The following PREX2 variants were observed in gnomAD, a reference collection of about 807,000 sequenced individuals.
PREX2 encodes phosphatidylinositol 3,4,5-trisphosphate-dependent Rac exchanger 2 protein.
PREX2 carries 107 observed loss-of-function variants against 203.2 expected under a neutral mutation model. The ratio of observed to expected loss-of-function variants is 0.53; its 90% CI spans 0.45 to 0.62. PREX2 has a LOEUF of 0.62. Among genes scored for constraint, PREX2 ranks in the 20% least tolerant of loss-of-function variants. The probability of loss-of-function intolerance (pLI) is 0.00; values close to 1 mark genes in which losing one functional copy is unlikely to be tolerated. For missense variants in PREX2, 1,777 were observed against 1,955.9 expected (o/e 0.91, Z 1.72); for synonymous variants, 672 against 663.6 (o/e 1.01, Z -0.19).
intron 8 of PREX2, among the ~76,000 whole-genome samples, chr8:68,047,508 C>CATATATATATATATAT (rs1808400901): frequency 3.6e-5 from 2 of 55,574 alleles, no homozygotes; most frequent in African/African-American, 1.8e-4. Flanking sequence ...TATATATATA[C>CATATATATATATATAT]ACATACATAT....
chr8:68,062,126 C>A (rs541371280), intron 11 of PREX2, among the ~76,000 whole-genome samples: 1 of 152,116 alleles, frequency 6.6e-6, no homozygotes, highest in East Asian at 1.9e-4. Flanking sequence ...ATCTTTAATT[C>A]CTTTCTCTCC....
chr8:68,226,031 CT>C lies in PREX2; in HGVS notation c.4775+1414del, dbSNP rs369263713. On this transcript the variant is annotated intron_variant, in intron 39 of 39. Transcript: ENST00000288368. ...ACAAGAAAAGAAACCAATGAATTTG[CT>C]TTTTTTTTCTTTATTGGGTGATGTT... is the stretch of plus-strand genomic sequence containing the variant. Among the ~76,000 whole-genome samples, 346 of 151,318 alleles carry C rather than the reference CT, an allele frequency of 2.3e-3. 4 individuals carry two copies. In the East Asian group the frequency reaches 0.051, roughly 22 times the overall value.
intron 21 of PREX2, among the ~76,000 whole-genome samples, chr8:68,095,967 T>G (rs1196098286): frequency 6.6e-6 from 1 of 152,132 alleles, no homozygotes; most frequent in East Asian, 1.9e-4. Context: ...ATATTCCCTA[T>G]ACACACTGAT....
In PREX2 at chr8:68,078,779, AT is replaced by A. The variant is rs369692369; in HGVS notation, c.1642+1318del. 3.7e-3 allele frequency among the ~76,000 whole-genome samples: 535 copies of A among 145,624 alleles called. 6 individuals carry two copies. Among genetic ancestry groups the A allele is most frequent in the African/African-American group, 0.013 (505 of 39,260 alleles). ...AAGCTGAAAACCTTCAAAAGTTTCA[AT>A]TTTTTTTCTTTAAAGTAAAGCACCA... On this transcript the variant is annotated intron_variant, in intron 15 of 39. Coordinates refer to ENST00000288368, the MANE Select transcript of PREX2 (RefSeq NM_024870.4).
intron 39 of PREX2, 97 bp downstream of exon 39, chr8:68,224,723 C>T (rs372434519): frequency 5.8e-5 from 50 of 866,902 alleles, no homozygotes; most frequent in East Asian, 4.3e-4. Flanking sequence ...GGATGTGCCC[C>T]GTGTCGTACT....
chr8:68,095,535 ATATG>A (rs1810036036), intron 21 of PREX2, among the ~76,000 whole-genome samples: 10 of 141,934 alleles, frequency 7.0e-5, no homozygotes, highest in Admixed American at 2.1e-4. Context: ...ATACATACAT[ATATG>A]TGTGTGTGTG....
At chr8:68,041,470 G>A (rs1410988193) in intron 7 of PREX2, among the ~76,000 whole-genome samples, 1 of 152,094 alleles carries the variant, frequency 6.6e-6, no homozygotes, top group Non-Finnish European at 1.5e-5. Context: ...TATATAAGCC[G>A]AGAAAACATA....
chr8:68,042,697 G>A (rs1419597818), intron 7 of PREX2, among the ~76,000 whole-genome samples: 1 of 151,976 alleles, frequency 6.6e-6, no homozygotes, highest in Non-Finnish European at 1.5e-5. Flanking sequence ...ATTATAATAT[G>A]CAGCATAATT....
chr8:68,141,202 C>A (rs7831336), intron 33 of PREX2, among the ~76,000 whole-genome samples: 26,786 of 152,108 alleles, frequency 0.18, 2,613 homozygotes, highest in African/African-American at 0.25. Context: ...TCTATAATTA[C>A]ATTTATTTTG....
intron 35 of PREX2, among the ~76,000 whole-genome samples, chr8:68,182,067 G>T (rs1170169902): frequency 6.6e-6 from 1 of 151,984 alleles, no homozygotes; most frequent in Non-Finnish European, 1.5e-5. Flanking sequence ...CTGGAAGAAT[G>T]AATAATAATA....
chr8:67,982,441 G>A (rs1000042767), intron 1 of PREX2, among the ~76,000 whole-genome samples: 1 of 151,988 alleles, frequency 6.6e-6, no homozygotes, highest in African/African-American at 2.4e-5. Flanking sequence ...AATTAAAAGT[G>A]TGGAAAATAA....
chr8:68,191,219 C>A (rs988218789), intron 35 of PREX2, among the ~76,000 whole-genome samples: 1 of 152,104 alleles, frequency 6.6e-6, no homozygotes, highest in African/African-American at 2.4e-5. Context: ...TGGAAAGAAT[C>A]GCCTCAGTGT....
intron 38 of PREX2, among the ~76,000 whole-genome samples, chr8:68,223,156 T>C (rs1812989809): frequency 6.6e-6 from 1 of 152,210 alleles, no homozygotes; most frequent in East Asian, 1.9e-4. Context: ...CCAATGTTAA[T>C]TCTTGGTTTT....
chr8:67,986,379 C>T (rs1451302159), intron 1 of PREX2, among the ~76,000 whole-genome samples: 3 of 152,130 alleles, frequency 2.0e-5, no homozygotes. Flanking sequence ...TGCTCTTGGC[C>T]AGTACACTAC....
At chr8:68,151,118 C>T (rs376891133) in intron 34 of PREX2, among the ~76,000 whole-genome samples, 2 of 152,010 alleles carry the variant, frequency 1.3e-5, no homozygotes, top group South Asian at 4.2e-4. Flanking sequence ...CTGCAAAAAC[C>T]CTATTTCAAA....
intron 31 of PREX2, among the ~76,000 whole-genome samples, chr8:68,128,614 C>G (rs1269778257): frequency 6.6e-6 from 1 of 152,034 alleles, no homozygotes; most frequent in East Asian, 1.9e-4. Context: ...GACTGCCTGT[C>G]TCTCATCATC....
chr8:67,966,842 ACTGT>A (rs1174880626), intron 1 of PREX2, among the ~76,000 whole-genome samples: 1 of 152,170 alleles, frequency 6.6e-6, no homozygotes, highest in Non-Finnish European at 1.5e-5. Context: ...TTGAGCACCT[ACTGT>A]CTGCCAATCA....
intron 33 of PREX2, among the ~76,000 whole-genome samples, chr8:68,141,222 T>C (rs1009360109): frequency 2.0e-5 from 3 of 152,226 alleles, no homozygotes; most frequent in African/African-American, 4.8e-5. Context: ...GTGGAAAATC[T>C]GCATCAGTTT....
At chr8:68,064,672 C>G (rs901145923) in intron 11 of PREX2, among the ~76,000 whole-genome samples, 1 of 152,070 alleles carries the variant, frequency 6.6e-6, no homozygotes, top group African/African-American at 2.4e-5. Flanking sequence ...GCCACCATGC[C>G]GGACCTGTAA....
Sources: gnomAD v4.1 joint callset for allele counts (sites outside exome capture counted in the v4.1 genomes callset) on GRCh38, gnomAD v4.1.1 for gene constraint, MANE v1.5 for transcripts, NCBI Gene and HGNC (gene_info 2026-07-23, HGNC 2026-07-21) for gene names.